The following NRXN3 variants were observed in gnomAD, a reference collection of about 807,000 sequenced individuals.
NRXN3 encodes the protein neurexin III.
Under a neutral mutation model 137.6 loss-of-function variants are expected in NRXN3, and 32 were observed. The ratio of observed to expected loss-of-function variants is 0.23; its 90% confidence interval spans 0.18 to 0.31. The LOEUF (loss-of-function observed/expected upper bound fraction) is 0.31, where lower values mean the gene tolerates loss of function less well. NRXN3 is among the 10% of genes least tolerant of loss of function. The pLI, the probability that NRXN3 is intolerant of heterozygous loss-of-function variation, is 1.00. For missense variants in NRXN3, 1,574 were observed against 2,062.5 expected (o/e 0.76, Z 4.59); for synonymous variants, 798 against 784.5 (o/e 1.02, Z -0.29).
chr14:79,054,527 G>T lies in NRXN3; in HGVS notation c.3262+66386G>T, dbSNP rs536689798. On this transcript the variant is annotated intron_variant, in intron 15 of 20. Transcript: ENST00000335750. ...CAAAAATTTGTGTGAAATCTTATTT[G>T]GGGATTTGCTCTCTGTGCAAGGAGT... Among the ~76,000 whole-genome samples, 7 of 152,188 alleles carry T rather than the reference G, an allele frequency of 4.6e-5. No homozygotes were observed. The South Asian group carries it at 1.2e-3, about 27-fold the overall frequency.
At chr14:78,374,988 C>A (rs1312945506) in intron 4 of NRXN3, among the ~76,000 whole-genome samples, 1 of 152,222 alleles carries the variant, frequency 6.6e-6, no homozygotes, top group East Asian at 1.9e-4. Flanking sequence ...CTGGGAAATA[C>A]CTTTATTAAT....
chr14:78,234,994 T>TTTTATA (rs1411362918), intron 1 of NRXN3, among the ~76,000 whole-genome samples: 1 of 108,784 alleles, frequency 9.2e-6, no homozygotes, highest in African/African-American at 3.3e-5. Context: ...ACAAATGCTT[T>TTTTATA]TATATATATA....
intron 16 of NRXN3, among the ~76,000 whole-genome samples, chr14:79,558,856 G>A (rs2097458952): frequency 6.6e-6 from 1 of 152,148 alleles, no homozygotes. Flanking sequence ...CTTTATCAAT[G>A]ATCTTAGCTA....
At chr14:79,359,061 TA>T (rs2153412714) in intron 15 of NRXN3, among the ~76,000 whole-genome samples, 1 of 152,354 alleles carries the variant, frequency 6.6e-6, no homozygotes, top group East Asian at 1.9e-4. Context: ...GTTTGCAGCA[TA>T]ATTCTTTTCA....
At chr14:79,123,144 G>A (rs964490045) in intron 15 of NRXN3, among the ~76,000 whole-genome samples, 5 of 152,106 alleles carry the variant, frequency 3.3e-5, no homozygotes, top group Non-Finnish European at 5.9e-5. Flanking sequence ...CATGGAAAAA[G>A]CCCAAGCCTC....
At chr14:79,242,633 C>A (rs996638170) in intron 15 of NRXN3, among the ~76,000 whole-genome samples, 1 of 152,084 alleles carries the variant, frequency 6.6e-6, no homozygotes, top group African/African-American at 2.4e-5. Context: ...CTTAAGTGTA[C>A]TAATGGCATC....
At chr14:79,807,481 A>T (rs1196837438) in intron 20 of NRXN3, among the ~76,000 whole-genome samples, 1 of 152,098 alleles carries the variant, frequency 6.6e-6, no homozygotes, top group East Asian at 1.9e-4. Flanking sequence ...ATGGGTATAT[A>T]TTGCTATTTG....
intron 19 of NRXN3, among the ~76,000 whole-genome samples, chr14:79,778,881 AGTG>A (rs996674444): frequency 6.6e-5 from 10 of 152,308 alleles, no homozygotes; most frequent in African/African-American, 2.2e-4. Context: ...ACTGTAATAT[AGTG>A]GTGAAGAGAA....
chr14:79,652,285 A>G (rs1442090656), intron 16 of NRXN3, among the ~76,000 whole-genome samples: 1 of 152,012 alleles, frequency 6.6e-6, no homozygotes, highest in African/African-American at 2.4e-5. Flanking sequence ...CGTCATGTTA[A>G]TGAACAAAAT....
At chr14:79,786,033 A>G (rs10144927) in intron 19 of NRXN3, among the ~76,000 whole-genome samples, 22,319 of 151,990 alleles carry the variant, frequency 0.15, 2,289 homozygotes, top group African/African-American at 0.29. Flanking sequence ...TGGGACAGAT[A>G]AGACTTCCAG....
chr14:79,045,665 T>C (rs374060953), intron 15 of NRXN3, among the ~76,000 whole-genome samples: 6 of 152,340 alleles, frequency 3.9e-5, no homozygotes, highest in South Asian at 2.1e-4. Flanking sequence ...CTCCAGCTTA[T>C]TGATGCTCAG....
At chr14:79,569,023 T>C (rs1336444316) in intron 16 of NRXN3, among the ~76,000 whole-genome samples, 1 of 152,044 alleles carries the variant, frequency 6.6e-6, no homozygotes, top group Non-Finnish European at 1.5e-5. Context: ...TTGCGGCTCT[T>C]AGACTTAAAA....
At chr14:79,246,333 A>G (rs1451276788) in intron 15 of NRXN3, among the ~76,000 whole-genome samples, 1 of 152,132 alleles carries the variant, frequency 6.6e-6, no homozygotes, top group Admixed American at 6.6e-5. Flanking sequence ...TTTTCCACAT[A>G]CTTTCTTCCC....
At chr14:78,821,020 C>A (rs912989296) in intron 10 of NRXN3, among the ~76,000 whole-genome samples, 5 of 152,016 alleles carry the variant, frequency 3.3e-5, no homozygotes, top group Non-Finnish European at 5.9e-5. Context: ...TAGGCATGAA[C>A]CTTTATAAAT....
intron 20 of NRXN3, among the ~76,000 whole-genome samples, chr14:79,849,452 G>A (rs886650960): frequency 9.2e-5 from 14 of 152,004 alleles, no homozygotes; most frequent in African/African-American, 2.4e-4. Context: ...AAAGTAACCC[G>A]AATAGACATT....
At chr14:78,307,792 C>G (rs7149016) in intron 4 of NRXN3, among the ~76,000 whole-genome samples, 103,212 of 152,032 alleles carry the variant, frequency 0.68, 36,452 homozygotes, top group African/African-American at 0.89. Context: ...GAAACCTAAT[C>G]CAACTTGCAC....
chr14:79,783,172 T>C (rs562827483), intron 19 of NRXN3, among the ~76,000 whole-genome samples: 8 of 152,174 alleles, frequency 5.3e-5, no homozygotes, highest in African/African-American at 7.2e-5. Context: ...TGTCTGGCCC[T>C]CTGTGGATAG....
At chr14:78,778,694 CTTTCTT>C (rs1482437228) in intron 8 of NRXN3, among the ~76,000 whole-genome samples, 5 of 142,326 alleles carry the variant, frequency 3.5e-5, no homozygotes, top group Admixed American at 2.1e-4. Flanking sequence ...TTCTTTCTTT[CTTTCTT>C]TCTTTCTTTC....
Position 79,462,808 on chromosome 14 carries a change from CACAT to C in NRXN3, c.3263-4411_3263-4408del, listed in dbSNP as rs758392991. On this transcript the variant is annotated intron_variant, in intron 15 of 20. Coordinates refer to ENST00000335750, the MANE Select transcript of NRXN3 (RefSeq NM_001330195.2). ...TTTTTCACACACATGCATGCACACA[CACAT>C]AGACAAATATATATATGCTTATGTA... Among the ~76,000 whole-genome samples the C allele has an allele frequency of 2.1e-4, 21 of 98,806 alleles. No homozygotes were observed. The Middle Eastern group carries it at 0.016, about 78-fold the overall frequency. The allele number at this position is 98,806 out of a possible 152,430, so 64.8% of individuals were successfully genotyped here. A position where few individuals can be genotyped will look rare whatever the true frequency, so the allele number is the denominator to read the frequency against.
Sources: gnomAD v4.1 joint callset for allele counts (sites outside exome capture counted in the v4.1 genomes callset) on GRCh38, gnomAD v4.1.1 for gene constraint, MANE v1.5 for transcripts, NCBI Gene and HGNC (gene_info 2026-07-23, HGNC 2026-07-21) for gene names.